Variants in CCNH observed in about 807,000 individuals in gnomAD.
The protein encoded by CCNH is cyclin H, also known as cyclin-H.
In CCNH, 31 loss-of-function variants were observed where a neutral mutation model predicts 41.9. The observed-to-expected ratio is 0.74, with a 90% CI of 0.56 to 1.00. The LOEUF (loss-of-function observed/expected upper bound fraction) is 1.00. Ranked by LOEUF, CCNH falls within the 50% of genes least tolerant of loss-of-function variation. CCNH has a pLI of 0.00. For synonymous variants in CCNH, 138 were observed against 136.1 expected (o/e 1.01, Z -0.10); for missense variants, 362 against 388.4 (o/e 0.93, Z 0.57).
chr5:87,405,282 G>A (rs1469389338), intron 4 of CCNH, among the ~76,000 whole-genome samples: 2 of 152,118 alleles, frequency 1.3e-5, no homozygotes, highest in Non-Finnish European at 2.9e-5. Flanking sequence ...GCTTCTCTCA[G>A]GCAACCCAGG....
intron 9 of CCNH, among the ~76,000 whole-genome samples, chr5:87,319,296 C>T (rs994788292): frequency 6.6e-6 from 1 of 152,232 alleles, no homozygotes; most frequent in East Asian, 1.9e-4. Context: ...TTAGGCAGTG[C>T]CCTAGTGGAG....
exon 1 of CCNH, chr5:87,376,697 T>C: frequency 7.8e-7 from 1 of 1,286,090 alleles, no homozygotes; most frequent in Non-Finnish European, 1.1e-6. Flanking sequence ...TTTTAAACCT[T>C]GTTTTATACT....
At chr5:87,316,780 C>T (rs980136435), downstream of CCNH, among the ~76,000 whole-genome samples, 1 of 152,060 alleles carries the variant, frequency 6.6e-6, no homozygotes, top group African/African-American at 2.4e-5. Flanking sequence ...TCACTGATTT[C>T]TTCTTGCATG....
At chr5:87,329,745 T>C (rs1757476746) in intron 9 of CCNH, among the ~76,000 whole-genome samples, 1 of 152,210 alleles carries the variant, frequency 6.6e-6, no homozygotes, top group African/African-American at 2.4e-5. Flanking sequence ...ATAGTTCTAC[T>C]GCTTTAAGTA....
intron 9 of CCNH, among the ~76,000 whole-genome samples, chr5:87,322,639 C>T (rs2112340431): frequency 6.6e-6 from 1 of 152,270 alleles, no homozygotes; most frequent in South Asian, 2.1e-4. Flanking sequence ...AAGCAGATTC[C>T]AGCACCATGC....
At chr5:87,327,959 T>G (rs1312975414) in intron 9 of CCNH, among the ~76,000 whole-genome samples, 1 of 147,948 alleles carries the variant, frequency 6.8e-6, no homozygotes, top group East Asian at 2.0e-4. Context: ...AGAGCAAGAC[T>G]CCGTTTCCCA....
intron 9 of CCNH, chr5:87,349,198 A>T: frequency 6.2e-7 from 1 of 1,610,608 alleles, no homozygotes; most frequent in African/African-American, 1.3e-5. Flanking sequence ...AAAAACTAAC[A>T]GCTTAATTCT....
At chr5:87,332,389 G>A (rs983046029) in intron 9 of CCNH, 67 of 1,051,994 alleles carry the variant, frequency 6.4e-5, no homozygotes, top group Admixed American at 2.7e-4. Context: ...TTAGTATAAG[G>A]ATATAGTTAC....
chr5:87,404,493 C>T (rs908108825), intron 5 of CCNH, among the ~76,000 whole-genome samples: 5 of 152,106 alleles, frequency 3.3e-5, no homozygotes, highest in Non-Finnish European at 2.9e-5. Context: ...ATTTAACTTC[C>T]GCGTGTCATA....
At chr5:87,351,562 ACT>A (rs1207006079) in intron 9 of CCNH, among the ~76,000 whole-genome samples, 1 of 151,576 alleles carries the variant, frequency 6.6e-6, no homozygotes, top group Admixed American at 6.6e-5. Flanking sequence ...GTCTCTAGAA[ACT>A]CACGTTTATT....
intron 9 of CCNH, chr5:87,349,166 C>A: frequency 5.6e-6 from 9 of 1,596,418 alleles, no homozygotes; most frequent in South Asian, 1.1e-5. Flanking sequence ...AACATCTTTT[C>A]TTTTTTATTT....
upstream of CCNH, among the ~76,000 whole-genome samples, chr5:87,382,009 T>C (rs138896058): frequency 4.1e-3 from 629 of 152,246 alleles, 9 homozygotes; most frequent in African/African-American, 0.015. Context: ...TGGAGTGCAG[T>C]GGTGTGATTT....
At chr5:87,311,645 A>G in the CCNH span, among the ~76,000 whole-genome samples, 1 of 152,202 alleles carries the variant, frequency 6.6e-6, no homozygotes, top group Admixed American at 6.5e-5. Context: ...GCAGTATGTG[A>G]CAACACGTGT....
intron 9 of CCNH, among the ~76,000 whole-genome samples, chr5:87,357,934 T>C (rs1279195550): frequency 6.6e-6 from 1 of 152,204 alleles, no homozygotes; most frequent in African/African-American, 2.4e-5. Context: ...ACAGAAACTA[T>C]TAAGTGCTAT....
At chr5:87,389,923 G>T (rs1361291700), downstream of CCNH, among the ~76,000 whole-genome samples, 2 of 152,064 alleles carry the variant, frequency 1.3e-5, no homozygotes, top group Non-Finnish European at 2.9e-5. Flanking sequence ...TGAAACAAAT[G>T]ATTATTATTT....
chr5:87,374,041 GA>G (rs1024684812), downstream of CCNH: 47 of 870,830 alleles, frequency 5.4e-5, no homozygotes, highest in East Asian at 1.4e-4. Context: ...CACATTTTCT[GA>G]AAAAAAAGGG....
chr5:87,400,742 A>C (rs907401913), intron 6 of CCNH, among the ~76,000 whole-genome samples: 1 of 152,248 alleles, frequency 6.6e-6, no homozygotes, highest in Non-Finnish European at 1.5e-5. Context: ...TTAATATTTA[A>C]TTACAATACA....
intron 9 of CCNH, among the ~76,000 whole-genome samples, chr5:87,340,228 C>A (rs1445384980): frequency 1.3e-5 from 2 of 152,096 alleles, no homozygotes; most frequent in African/African-American, 2.4e-5. Flanking sequence ...CATATGTCAT[C>A]CCTGTTTCAC....
intron 9 of CCNH, among the ~76,000 whole-genome samples, chr5:87,382,598 C>T (rs780011170): frequency 4.6e-5 from 7 of 152,178 alleles, no homozygotes; most frequent in Non-Finnish European, 1.0e-4. Context: ...TACATGACAA[C>T]ATATCCTCCC....
Sources: gnomAD v4.1 joint callset for allele counts (sites outside exome capture counted in the v4.1 genomes callset) on GRCh38, gnomAD v4.1.1 for gene constraint, MANE v1.5 for transcripts, NCBI Gene and HGNC (gene_info 2026-07-23, HGNC 2026-07-21) for gene names.